Variants in DNAH5 observed in about 807,000 individuals in gnomAD.
DNAH5 encodes the protein axonemal beta dynein heavy chain 5.
In DNAH5, 372 loss-of-function variants were observed where a neutral mutation model predicts 518.2. That is an observed-to-expected ratio of 0.72 (90% CI 0.66 to 0.78). DNAH5 has a LOEUF of 0.78. Ranked by LOEUF, DNAH5 falls within the 30% of genes least tolerant of loss-of-function variation. DNAH5 has a pLI of 0.00. For synonymous variants in DNAH5, 2,039 were observed against 2,025.9 expected, an observed-to-expected ratio of 1.01 and a Z score of -0.17; for missense variants, 5,523 against 5,687.0, an observed-to-expected ratio of 0.97 and a Z score of 0.93.
intron 12 of DNAH5, among the ~76,000 whole-genome samples, chr5:13,907,779 G>T (rs1388828539): frequency 6.6e-6 from 1 of 152,040 alleles, no homozygotes; most frequent in Non-Finnish European, 1.5e-5. Context: ...ACAAAACATA[G>T]AAAAATTATT....
At chr5:13,759,852 T>C (rs1435442275) in intron 60 of DNAH5, among the ~76,000 whole-genome samples, 1 of 152,230 alleles carries the variant, frequency 6.6e-6, no homozygotes, top group African/African-American at 2.4e-5. Context: ...ATATTCTTTC[T>C]GAAGTATTTG....
chr5:13,877,619 A>G (rs1451060429), intron 21 of DNAH5, among the ~76,000 whole-genome samples: 2 of 152,234 alleles, frequency 1.3e-5, no homozygotes, highest in Non-Finnish European at 2.9e-5. Flanking sequence ...CCAAAAACAT[A>G]TCCGCATCAA....
intron 1 of DNAH5, among the ~76,000 whole-genome samples, chr5:13,938,627 C>T (rs1779178943): frequency 6.6e-6 from 1 of 151,918 alleles, no homozygotes; most frequent in Non-Finnish European, 1.5e-5. Flanking sequence ...CAATCCTACC[C>T]ATGGTTTCTG....
chr5:13,902,745 G>A (rs928897179), intron 12 of DNAH5, among the ~76,000 whole-genome samples: 1 of 152,094 alleles, frequency 6.6e-6, no homozygotes, highest in Non-Finnish European at 1.5e-5. Flanking sequence ...CCACATCGGT[G>A]CCACACCTAG....
chr5:13,896,723 G>T (rs1773961595), intron 15 of DNAH5: 1 of 152,128 alleles, frequency 6.6e-6, no homozygotes, highest in Non-Finnish European at 1.5e-5. Context: ...TCTGAAATGG[G>T]CATTCTCATC....
At position 13,718,924 on chromosome 5, in the gene DNAH5, G is replaced by T; in HGVS notation, c.12457C>A (p.Pro4153Thr). The change falls in exon 72 of 79, where the codon CCT becomes ACT. Residue 4153 changes from proline to threonine, a missense_variant. Coordinates refer to ENST00000265104, the MANE Select transcript of DNAH5 (RefSeq NM_001369.3). ...LQMSIKFAND[P>T]PQGLRAGLKR... The stretch of plus-strand genomic sequence containing the variant: ...AGTCCTGCCCGGAGTCCTTGTGGAG[G>T]ATCGTTGGCAAATTTAATGGACATC... 6.2e-7 allele frequency: 1 copy of T among 1,614,110 alleles called. No individual in the cohort carries two copies.
Position 13,707,730 on chromosome 5 carries a change from C to T in DNAH5, c.13338+393G>A, listed in dbSNP as rs1166492601. Among the ~76,000 whole-genome samples the T allele has an allele frequency of 6.6e-6, 1 of 151,946 alleles. No individual in the cohort carries two copies. The highest frequency in any genetic ancestry group is 1.5e-5 in the Non-Finnish European group (1 of 67,986). ...TGTGACTTTTGATGTTAGGGTGAGGCATGTTTCCTTCTATGAAACCAACAT... is the reference window on the plus strand; with the variant it reads ...TGTGACTTTTGATGTTAGGGTGAGGTATGTTTCCTTCTATGAAACCAACAT... On this transcript the variant is annotated intron_variant, in intron 76 of 78. Transcript: ENST00000265104. This position sits in a 1 kb window ranked among gnomAD's most constrained non-coding sequence, Gnocchi z 4.0.
intron 47 of DNAH5, among the ~76,000 whole-genome samples, chr5:13,795,034 G>A (rs929506817): frequency 1.3e-5 from 2 of 152,152 alleles, no homozygotes; most frequent in Non-Finnish European, 2.9e-5. Flanking sequence ...TGAAAGAACT[G>A]GGACACATTT....
Position 13,882,994 on chromosome 5 carries a change from TTCCAGGGCAGGG to T in DNAH5, c.3072_3083del (p.Pro1025_Glu1028del). 1.2e-6 allele frequency: 2 copies of T among 1,614,142 alleles called. No individual in the cohort carries two copies. The highest frequency in any genetic ancestry group is 1.7e-6 in the Non-Finnish European group (2 of 1,180,012). ...CTTTGTTCAGGGTCTGCTGTACATC[TTCCAGGGCAGGG>T]GCCATGACGATGTTGGGAATGGCCA... On this transcript the variant is annotated inframe_deletion, in exon 20 of 79. Coordinates refer to ENST00000265104, the MANE Select transcript of DNAH5 (RefSeq NM_001369.3).
intron 1 of DNAH5, among the ~76,000 whole-genome samples, chr5:13,963,871 GT>G (rs1423083493): frequency 6.6e-6 from 1 of 151,930 alleles, no homozygotes; most frequent in African/African-American, 2.4e-5. Flanking sequence ...ATGTTTTTTT[GT>G]AGAGACGTGA....
intron 15 of DNAH5, among the ~76,000 whole-genome samples, chr5:13,895,982 G>A (rs1000705769): frequency 2.6e-5 from 4 of 151,772 alleles, no homozygotes; most frequent in African/African-American, 9.7e-5. Context: ...TGTCTAAACT[G>A]TACCTAGACT....
chr5:13,763,609 A>C (rs1052227823), intron 59 of DNAH5, among the ~76,000 whole-genome samples: 1 of 152,256 alleles, frequency 6.6e-6, no homozygotes, highest in Non-Finnish European at 1.5e-5. Flanking sequence ...CATTTAAAAG[A>C]GGATGATTAA....
At chr5:13,969,361 G>C (rs1781734024) in intron 1 of DNAH5, among the ~76,000 whole-genome samples, 1 of 151,910 alleles carries the variant, frequency 6.6e-6, no homozygotes, top group African/African-American at 2.4e-5. Context: ...TGTTGAGTTT[G>C]GGTTTGGTTT....
chr5:13,941,800 A>G (rs1210642334), intron 1 of DNAH5, among the ~76,000 whole-genome samples: 1 of 152,260 alleles, frequency 6.6e-6, no homozygotes, highest in East Asian at 1.9e-4. Context: ...AGCACAAAAC[A>G]GGAACAACAC....
intron 78 of DNAH5, among the ~76,000 whole-genome samples, chr5:13,697,125 A>G (rs1227479848): frequency 2.0e-5 from 3 of 152,234 alleles, no homozygotes; most frequent in Admixed American, 1.3e-4. Flanking sequence ...TTCATTTTAT[A>G]TGGGAAACAT....
intron 1 of DNAH5, among the ~76,000 whole-genome samples, chr5:13,959,810 A>C (rs1781035433): frequency 6.6e-6 from 1 of 152,186 alleles, no homozygotes; most frequent in Non-Finnish European, 1.5e-5. Context: ...TCTACTAAAA[A>C]TACAAAATTA....
At chr5:13,969,224 C>G (rs531283142) in intron 1 of DNAH5, among the ~76,000 whole-genome samples, 1 of 152,252 alleles carries the variant, frequency 6.6e-6, no homozygotes, top group Non-Finnish European at 1.5e-5. Context: ...CTTAATTAAT[C>G]TCACTAATGG....
intron 41 of DNAH5, among the ~76,000 whole-genome samples, chr5:13,819,835 G>C (rs895307823): frequency 6.6e-6 from 1 of 152,104 alleles, no homozygotes; most frequent in Non-Finnish European, 1.5e-5. Flanking sequence ...TTTATGATTG[G>C]GATTGGGATG....
At chr5:13,814,506 G>T in intron 43 of DNAH5, 99 bp downstream of exon 43, 1 of 1,211,104 alleles carries the variant, frequency 8.3e-7, no homozygotes. Flanking sequence ...TAAAAATGCA[G>T]TTACACTGCC....
Sources: allele counts gnomAD v4.1 joint callset (sites outside exome capture counted in the v4.1 genomes callset), GRCh38; gene constraint gnomAD v4.1.1; non-coding constraint Gnocchi (gnomAD v3.1); transcripts MANE v1.5; gene names NCBI Gene and HGNC (gene_info 2026-07-23, HGNC 2026-07-21).